DNAH12: variants seen among roughly 807,000 people sequenced by gnomAD.
DNAH12 encodes the protein axonemal beta dynein heavy chain 12.
In DNAH12, 285 loss-of-function variants were observed where a neutral mutation model predicts 371.5. That is an observed-to-expected ratio of 0.77 (90% CI 0.70 to 0.85). The LOEUF is 0.85. Among genes scored for constraint, DNAH12 ranks in the 40% least tolerant of loss-of-function variants. DNAH12 has a pLI of 0.00. For synonymous variants in DNAH12, 1,200 were observed against 1,213.0 expected (o/e 0.99, Z 0.22); for missense variants, 3,611 against 3,689.4 (o/e 0.98, Z 0.55).
At chr3:57,298,581 A>T (rs574440711) in intron 70 of DNAH12, among the ~76,000 whole-genome samples, 4 of 152,356 alleles carry the variant, frequency 2.6e-5, no homozygotes, top group Non-Finnish European at 2.9e-5. Flanking sequence ...TTTGTTACTT[A>T]TAATGGAATC....
At chr3:57,331,086 A>G (rs1267738591) in intron 62 of DNAH12, among the ~76,000 whole-genome samples, 1 of 152,232 alleles carries the variant, frequency 6.6e-6, no homozygotes, top group African/African-American at 2.4e-5. Flanking sequence ...CTGGCGATAC[A>G]GAGGAAAATA....
At chr3:57,318,101 C>A (rs2061725999) in intron 65 of DNAH12, among the ~76,000 whole-genome samples, 1 of 152,146 alleles carries the variant, frequency 6.6e-6, no homozygotes, top group Admixed American at 6.5e-5. Context: ...CAAATAATTT[C>A]TCCCATTCCT....
intron 43 of DNAH12, among the ~76,000 whole-genome samples, chr3:57,396,733 G>T (rs1205417500): frequency 1.3e-5 from 2 of 152,188 alleles, no homozygotes; most frequent in African/African-American, 2.4e-5. Context: ...TACCACACTT[G>T]GCTAATTTTT....
At chr3:57,479,051 C>G (rs1408613500) in intron 13 of DNAH12, among the ~76,000 whole-genome samples, 3 of 152,136 alleles carry the variant, frequency 2.0e-5, no homozygotes, top group Non-Finnish European at 4.4e-5. Flanking sequence ...ATCTTAATGA[C>G]AGGAACAAAT....
chr3:57,422,193 A>C (rs961372160), intron 35 of DNAH12, among the ~76,000 whole-genome samples: 5 of 151,728 alleles, frequency 3.3e-5, no homozygotes, highest in African/African-American at 1.2e-4. Context: ...GATTACAGGC[A>C]TAAGCTACCG....
At chr3:57,517,633 C>T (rs889191231) in intron 4 of DNAH12, among the ~76,000 whole-genome samples, 3 of 152,014 alleles carry the variant, frequency 2.0e-5, no homozygotes, top group Non-Finnish European at 4.4e-5. Flanking sequence ...ATAACTTATA[C>T]CTTTCTAAAA....
chr3:57,352,118 A>T lies in DNAH12; in HGVS notation c.9641T>A (p.Leu3214Ter). The T allele has an allele frequency of 6.5e-7, 1 of 1,530,560 alleles. No individual in the cohort carries two copies. Among genetic ancestry groups the T allele is most frequent in the Non-Finnish European group, 8.8e-7 (1 of 1,141,636 alleles). 94.8% of individuals were successfully genotyped at this position (1,530,560 alleles called of 1,614,324 possible). The change falls in exon 60 of 74, where the codon TTA becomes TAA. Residue 3214 changes from leucine (L) to a stop codon, truncating the protein, a stop_gained. Coordinates refer to ENST00000495027, the MANE Select transcript of DNAH12 (RefSeq NM_001366028.2). LOFTEE classifies it high-confidence loss of function. ...CRSLFEKDKL[L>*]FSFLLCANLL... ...ATTGGCACATAATAAAAAGGAAAATAACAGCTTGTCCTTCTCAAATAGTGA... is the reference window on the plus strand; with the variant it reads ...ATTGGCACATAATAAAAAGGAAAATTACAGCTTGTCCTTCTCAAATAGTGA...
At chr3:57,352,701 T>C (rs1313662093) in intron 59 of DNAH12, among the ~76,000 whole-genome samples, 2 of 151,944 alleles carry the variant, frequency 1.3e-5, no homozygotes, top group Non-Finnish European at 2.9e-5. Context: ...TAAGGCTCTA[T>C]GGTAGGGAGG....
intron 12 of DNAH12, among the ~76,000 whole-genome samples, chr3:57,487,086 T>C (rs563291344): frequency 3.3e-5 from 5 of 152,122 alleles, no homozygotes; most frequent in Admixed American, 3.3e-4. Flanking sequence ...GTTGAAGTGG[T>C]GAGCAGGAAT....
chr3:57,317,788 C>A (rs2061718505), intron 65 of DNAH12, among the ~76,000 whole-genome samples: 1 of 152,146 alleles, frequency 6.6e-6, no homozygotes, highest in Non-Finnish European at 1.5e-5. Flanking sequence ...TTACCACCAA[C>A]AGTGTATGAG....
chr3:57,380,536 C>A (rs981406090), intron 50 of DNAH12, among the ~76,000 whole-genome samples, 169 bp from the exon 51 acceptor site: 1 of 152,144 alleles, frequency 6.6e-6, no homozygotes, highest in African/African-American at 2.4e-5. Context: ...TACTGTGGTG[C>A]AATATCGGCT....
intron 58 of DNAH12, among the ~76,000 whole-genome samples, chr3:57,361,873 TAA>T (rs1473635411): frequency 6.6e-6 from 1 of 152,146 alleles, no homozygotes; most frequent in African/African-American, 2.4e-5. Flanking sequence ...AATATTTTTT[TAA>T]AATTATACTT....
intron 58 of DNAH12, among the ~76,000 whole-genome samples, chr3:57,361,384 T>C (rs1473585336): frequency 6.7e-6 from 1 of 148,526 alleles, no homozygotes; most frequent in Non-Finnish European, 1.5e-5. Context: ...CACACACTTA[T>C]ATATATACAT....
intron 30 of DNAH12, among the ~76,000 whole-genome samples, 175 bp downstream of exon 30, chr3:57,436,776 A>C (rs2065139074): frequency 6.6e-6 from 1 of 152,140 alleles, no homozygotes; most frequent in Non-Finnish European, 1.5e-5. Flanking sequence ...CCCTTGTTGG[A>C]CATGTAGTAT....
the DNAH12 span, among the ~76,000 whole-genome samples, chr3:57,552,683 G>A: frequency 6.6e-6 from 1 of 152,138 alleles, no homozygotes; most frequent in Admixed American, 6.5e-5. Flanking sequence ...GCTGAGGCAG[G>A]TGGATCGCTT....
At chr3:57,337,876 C>G (rs192227066) in intron 60 of DNAH12, among the ~76,000 whole-genome samples, 1 of 152,288 alleles carries the variant, frequency 6.6e-6, no homozygotes, top group Admixed American at 6.5e-5. Flanking sequence ...ACCAAAAAGA[C>G]CTAGAAGACA....
At chr3:57,339,833 G>T (rs905515522) in intron 60 of DNAH12, among the ~76,000 whole-genome samples, 5 of 152,110 alleles carry the variant, frequency 3.3e-5, no homozygotes, top group African/African-American at 4.8e-5. Flanking sequence ...ACTTTGGGAG[G>T]CTAAGGCAGG....
intron 35 of DNAH12, among the ~76,000 whole-genome samples, chr3:57,424,641 T>C (rs936572770): frequency 2.0e-5 from 3 of 150,708 alleles, no homozygotes; most frequent in African/African-American, 7.3e-5. Flanking sequence ...CCAGGTGTGG[T>C]GGCAGTCACC....
intron 2 of DNAH12, among the ~76,000 whole-genome samples, chr3:57,531,324 A>G (rs989483815): frequency 6.6e-6 from 1 of 152,112 alleles, no homozygotes; most frequent in Non-Finnish European, 1.5e-5. Context: ...CACTTTAAAT[A>G]TTTCATTCCA....
Sources: gnomAD v4.1 joint callset for allele counts (sites outside exome capture counted in the v4.1 genomes callset) on GRCh38, gnomAD v4.1.1 for gene constraint, MANE v1.5 for transcripts, NCBI Gene and HGNC (gene_info 2026-07-23, HGNC 2026-07-21) for gene names.